Variants in CSMD1 observed in about 807,000 individuals in gnomAD.
The protein encoded by CSMD1 is CUB and Sushi multiple domains 1.
Under a neutral mutation model 417.5 loss-of-function variants are expected in CSMD1, and 213 were observed. The ratio of observed to expected loss-of-function variants is 0.51; its 90% CI spans 0.46 to 0.57. The LOEUF (loss-of-function observed/expected upper bound fraction) is 0.57. Among genes scored for constraint, CSMD1 ranks in the 20% least tolerant of loss-of-function variants. The pLI, the probability that CSMD1 is intolerant of heterozygous loss-of-function variation, is 0.00. For synonymous variants in CSMD1, 2,862 were observed against 1,736.8 expected (o/e 1.65, Z -16.11); for missense variants, 6,923 against 4,529.7 (o/e 1.53, Z -15.17).
intron 1 of CSMD1, among the ~76,000 whole-genome samples, chr8:4,748,014 C>A (rs1392128597): frequency 6.6e-6 from 1 of 152,186 alleles, no homozygotes; most frequent in Admixed American, 6.5e-5. Context: ...CTAAGTTATC[C>A]ATCTTCCAAA....
intron 4 of CSMD1, among the ~76,000 whole-genome samples, chr8:4,011,629 C>T (rs1186103832): frequency 6.6e-6 from 1 of 152,162 alleles, no homozygotes; most frequent in Non-Finnish European, 1.5e-5. Context: ...TCATCCATTT[C>T]CTCATCCTTG....
chr8:4,898,241 G>C (rs1402937037), intron 1 of CSMD1, among the ~76,000 whole-genome samples: 1 of 152,042 alleles, frequency 6.6e-6, no homozygotes, highest in African/African-American at 2.4e-5. Context: ...AGAGCATCGG[G>C]GTGCTTAGAT....
chr8:3,809,752 T>C (rs182448740), intron 5 of CSMD1, among the ~76,000 whole-genome samples: 1 of 151,724 alleles, frequency 6.6e-6, no homozygotes, highest in African/African-American at 2.4e-5. Flanking sequence ...AAGAGGGGAG[T>C]TGAGACAACA....
intron 5 of CSMD1, among the ~76,000 whole-genome samples, chr8:3,782,050 C>T (rs1295775873): frequency 1.3e-5 from 2 of 152,104 alleles, no homozygotes; most frequent in Non-Finnish European, 2.9e-5. Flanking sequence ...ATTATTCTGT[C>T]CACTTAATAC....
Position 4,394,314 on chromosome 8 carries a change from CAAT to C in CSMD1, c.415+25636_415+25638del, listed in dbSNP as rs546811364. Among the ~76,000 whole-genome samples the C allele has an allele frequency of 3.9e-3, 597 of 152,184 alleles. 2 individuals carry two copies. Among genetic ancestry groups the C allele is most frequent in the African/African-American group, 0.014 (569 of 41,518 alleles). ...TAAAAATGTTTACCCTCCTATGTTT[CAAT>C]AATTTAATGGAGAATGTAGTTATTC... On this transcript the variant is annotated intron_variant, in intron 3 of 69. Transcript: ENST00000635120.
chr8:4,309,973 T>C (rs538357709), intron 3 of CSMD1, among the ~76,000 whole-genome samples: 2 of 152,210 alleles, frequency 1.3e-5, no homozygotes, highest in Non-Finnish European at 2.9e-5. Context: ...TACATAGTGC[T>C]TTATTTTCAC....
At chr8:3,706,692 G>A (rs73185339) in intron 7 of CSMD1, among the ~76,000 whole-genome samples, 3,853 of 152,152 alleles carry the variant, frequency 0.025, 56 homozygotes, top group Middle Eastern at 0.095. Flanking sequence ...TTGATTTAAT[G>A]TAAGAGTTTG....
chr8:3,548,029 G>A (rs1487852200), intron 10 of CSMD1, among the ~76,000 whole-genome samples: 1 of 152,156 alleles, frequency 6.6e-6, no homozygotes, highest in Non-Finnish European at 1.5e-5. Flanking sequence ...AAACTTCCTG[G>A]AGAGGGGTAA....
chr8:3,806,324 A>T (rs1484047996), intron 5 of CSMD1, among the ~76,000 whole-genome samples: 1 of 152,184 alleles, frequency 6.6e-6, no homozygotes, highest in Non-Finnish European at 1.5e-5. Flanking sequence ...GGTAATTAAT[A>T]GATTCTTTAC....
intron 37 of CSMD1, among the ~76,000 whole-genome samples, chr8:3,174,222 A>G: frequency 6.6e-6 from 1 of 152,236 alleles, no homozygotes; most frequent in Non-Finnish European, 1.5e-5. Context: ...GTCCAGGCAC[A>G]GTGGCTCAAG....
At chr8:3,090,534 C>T (rs1585322310) in intron 48 of CSMD1, among the ~76,000 whole-genome samples, 1 of 152,082 alleles carries the variant, frequency 6.6e-6, no homozygotes, top group Non-Finnish European at 1.5e-5. Flanking sequence ...TTTTATATGT[C>T]TACCAACCAG....
At chr8:4,077,024 T>C (rs149857888) in intron 3 of CSMD1, among the ~76,000 whole-genome samples, 6 of 152,264 alleles carry the variant, frequency 3.9e-5, no homozygotes, top group Non-Finnish European at 8.8e-5. Context: ...ATTGCAACTC[T>C]AGGTAATTCT....
At chr8:4,799,589 A>G (rs1798166405) in intron 1 of CSMD1, among the ~76,000 whole-genome samples, 1 of 107,272 alleles carries the variant, frequency 9.3e-6, no homozygotes, top group African/African-American at 3.5e-5. Flanking sequence ...AGAGAGCAAG[A>G]CTCCGTCTCA....
At chr8:4,123,888 T>C (rs891676325) in intron 3 of CSMD1, among the ~76,000 whole-genome samples, 5 of 152,236 alleles carry the variant, frequency 3.3e-5, no homozygotes, top group African/African-American at 4.8e-5. Context: ...TTGTATGTGA[T>C]TCCTGAAATC....
rs1585222068 is a variant in CSMD1, at chr8:4,538,740, T to G, written c.302+98602A>C. The stretch of plus-strand genomic sequence containing the variant: ...CATCCTAGCAAGTAAACCTCCAAAT[T>G]ATTTGATGAAGGGATTTGATGAAGT... On this transcript the variant is annotated intron_variant, in intron 2 of 69. Coordinates refer to ENST00000635120, the MANE Select transcript of CSMD1 (RefSeq NM_033225.6). Among the ~76,000 whole-genome samples the G allele has an allele frequency of 2.6e-5, 4 of 152,266 alleles. No homozygotes were observed. The East Asian group carries it at 7.7e-4, about 29-fold the overall frequency.
chr8:3,683,151 C>G (rs1799754618), intron 7 of CSMD1, among the ~76,000 whole-genome samples: 1 of 151,902 alleles, frequency 6.6e-6, no homozygotes, highest in African/African-American at 2.4e-5. Context: ...ACATATGTAA[C>G]AAACCTGCAC....
intron 2 of CSMD1, among the ~76,000 whole-genome samples, chr8:4,532,915 G>C (rs572920021): frequency 3.3e-5 from 5 of 151,106 alleles, no homozygotes; most frequent in African/African-American, 7.3e-5. Context: ...CACTCCGGAA[G>C]AGAAATCTTG....
At chr8:3,776,192 C>G (rs1321497832) in intron 5 of CSMD1, among the ~76,000 whole-genome samples, 3 of 152,320 alleles carry the variant, frequency 2.0e-5, no homozygotes, top group Non-Finnish European at 2.9e-5. Context: ...CCATGTCTGA[C>G]CATCTCAGCA....
intron 10 of CSMD1, among the ~76,000 whole-genome samples, chr8:3,523,140 T>C (rs1797580585): frequency 6.6e-6 from 1 of 151,970 alleles, no homozygotes; most frequent in African/African-American, 2.4e-5. Flanking sequence ...CGTAGAAAAT[T>C]GTCCTCCTTG....
Sources: gnomAD v4.1 joint callset for allele counts (sites outside exome capture counted in the v4.1 genomes callset) on GRCh38, gnomAD v4.1.1 for gene constraint, MANE v1.5 for transcripts, NCBI Gene and HGNC (gene_info 2026-07-23, HGNC 2026-07-21) for gene names.